Variants in DYNC1I1 observed in about 807,000 individuals in gnomAD.
The protein encoded by DYNC1I1 is cytoplasmic dynein 1 intermediate chain 1.
A neutral mutation model predicts 86.6 loss-of-function variants in DYNC1I1; 43 were observed. The ratio of observed to expected loss-of-function variants is 0.50; its 90% CI spans 0.39 to 0.64. The LOEUF (loss-of-function observed/expected upper bound fraction) is 0.64. Ranked by LOEUF, DYNC1I1 falls within the 30% of genes least tolerant of loss-of-function variation. DYNC1I1 has a pLI of 0.00. For synonymous variants in DYNC1I1, 262 were observed against 283.7 expected (o/e 0.92, Z 0.77); for missense variants, 604 against 788.8 (o/e 0.77, Z 2.81).
chr7:96,049,531 A>T (rs1218875388), intron 14 of DYNC1I1, among the ~76,000 whole-genome samples: 1 of 152,110 alleles, frequency 6.6e-6, no homozygotes, highest in Non-Finnish European at 1.5e-5. Flanking sequence ...GGTAACTTGG[A>T]GTCATCTTAT....
chr7:96,039,159 G>A, intron 13 of DYNC1I1, 118 bp from the exon 14 acceptor site: 1 of 1,113,962 alleles, frequency 9.0e-7, no homozygotes, highest in South Asian at 1.7e-5. Context: ...TTGGTGGTGT[G>A]TGGTTGTTCT....
intron 4 of DYNC1I1, among the ~76,000 whole-genome samples, chr7:95,826,950 C>T (rs1795215067): frequency 6.6e-6 from 1 of 152,090 alleles, no homozygotes; most frequent in African/African-American, 2.4e-5. Context: ...TATTTATAGA[C>T]AAGGAAACCG....
At chr7:95,818,776 C>A in intron 4 of DYNC1I1, 1 of 376,888 alleles carries the variant, frequency 2.7e-6, no homozygotes. Flanking sequence ...CACCTTAGTG[C>A]TTATTCTTTT....
chr7:95,996,405 G>A (rs1005848698), intron 10 of DYNC1I1, among the ~76,000 whole-genome samples: 4 of 152,170 alleles, frequency 2.6e-5, no homozygotes, highest in East Asian at 3.9e-4. Context: ...GCCCACCCAC[G>A]TGGACATCCT....
In DYNC1I1 at chr7:95,997,293, TCA is replaced by T. The variant is rs957501962; in HGVS notation, c.969+1221_969+1222del. Among the ~76,000 whole-genome samples the T allele has an allele frequency of 6.7e-4, 102 of 152,210 alleles. 1 individual carries two copies. Among genetic ancestry groups the T allele is most frequent in the African/African-American group, 2.3e-3 (95 of 41,528 alleles). ...TAGAAGCACAAAATCCTAATTTTGTTCAGTTTTACAAGGTTTGCCGAATTCCC... is the reference window on the plus strand; with the variant it reads ...TAGAAGCACAAAATCCTAATTTTGTTGTTTTACAAGGTTTGCCGAATTCCC... On this transcript the variant is annotated intron_variant, in intron 10 of 16. Transcript: ENST00000447467.
chr7:96,072,117 A>G (rs929046932), intron 14 of DYNC1I1, among the ~76,000 whole-genome samples: 8 of 152,244 alleles, frequency 5.3e-5, no homozygotes, highest in Non-Finnish European at 1.0e-4. Context: ...GACAATGTAC[A>G]TATAGAGTCA....
chr7:95,892,860 A>G (rs1021211910), intron 6 of DYNC1I1, among the ~76,000 whole-genome samples: 2 of 151,798 alleles, frequency 1.3e-5, no homozygotes, highest in Non-Finnish European at 2.9e-5. Flanking sequence ...ATACCATTTC[A>G]TGAGTGAGTC....
chr7:96,026,435 G>A (rs182137594), intron 10 of DYNC1I1, among the ~76,000 whole-genome samples: 1 of 151,504 alleles, frequency 6.6e-6, no homozygotes, highest in Non-Finnish European at 1.5e-5. Context: ...TTTTTTTGGG[G>A]TTTTTTTGTT....
intron 10 of DYNC1I1, among the ~76,000 whole-genome samples, chr7:96,000,226 A>C (rs1793976726): frequency 6.6e-6 from 1 of 152,202 alleles, no homozygotes; most frequent in African/African-American, 2.4e-5. Context: ...AAATGAAAGC[A>C]CATAGTAGGT....
chr7:96,018,188 G>A (rs1794447406), intron 10 of DYNC1I1, among the ~76,000 whole-genome samples: 1 of 152,174 alleles, frequency 6.6e-6, no homozygotes, highest in Non-Finnish European at 1.5e-5. Flanking sequence ...ATGAGGCTTA[G>A]CCTGTGGCTA....
chr7:95,867,091 C>T (rs1350553413), intron 5 of DYNC1I1, among the ~76,000 whole-genome samples: 2 of 152,228 alleles, frequency 1.3e-5, no homozygotes, highest in African/African-American at 4.8e-5. Context: ...CAAGCAGCCA[C>T]ATCCTATCCA....
chr7:95,947,204 G>T (rs1016352181), intron 6 of DYNC1I1, among the ~76,000 whole-genome samples: 1 of 152,168 alleles, frequency 6.6e-6, no homozygotes, highest in South Asian at 2.1e-4. Flanking sequence ...AATACCTAGC[G>T]CAGTGAGTGT....
rs151313354 is a variant in DYNC1I1 at position 95,913,565 on chromosome 7, C to T, written c.490+43567C>T. 2.5e-4 allele frequency among the ~76,000 whole-genome samples: 38 copies of T among 152,340 alleles called. No individual in the cohort carries two copies. In the East Asian group the frequency reaches 6.9e-3, roughly 28 times the overall value. The stretch of plus-strand genomic sequence containing the variant: ...GTATGCACTCTCTTGCCTGCTGCCA[C>T]ATAAGACATGCCTTTGCTCTTCCTT... On this transcript the variant is annotated intron_variant, in intron 6 of 16. Coordinates refer to ENST00000447467, the MANE Select transcript of DYNC1I1 (RefSeq NM_001135556.2).
chr7:95,798,642 C>T (rs1794503518), intron 1 of DYNC1I1, among the ~76,000 whole-genome samples: 1 of 152,132 alleles, frequency 6.6e-6, no homozygotes, highest in Non-Finnish European at 1.5e-5. Context: ...TGACTTTAAG[C>T]TTAAAAATAC....
At chr7:95,871,483 A>C (rs1040848882) in intron 6 of DYNC1I1, among the ~76,000 whole-genome samples, 7 of 152,250 alleles carry the variant, frequency 4.6e-5, no homozygotes, top group Non-Finnish European at 1.5e-5. Flanking sequence ...CCCAACCAAA[A>C]CATTTGTTTG....
chr7:95,880,640 CTTTTTTTTTTTTT>C (rs142182653), intron 6 of DYNC1I1, among the ~76,000 whole-genome samples: 17 of 92,552 alleles, frequency 1.8e-4, no homozygotes, highest in African/African-American at 5.9e-4. Context: ...CATCTTCTTA[CTTTTTTTTTTTTT>C]TTTTTTTTTT....
intron 14 of DYNC1I1, among the ~76,000 whole-genome samples, chr7:96,074,958 C>T (rs887080079): frequency 1.3e-5 from 2 of 152,190 alleles, no homozygotes; most frequent in African/African-American, 4.8e-5. Flanking sequence ...GGGAAAAAAA[C>T]TCCCATTGTT....
chr7:96,078,465 C>T (rs144631919), intron 15 of DYNC1I1, among the ~76,000 whole-genome samples: 182 of 152,038 alleles, frequency 1.2e-3, no homozygotes, highest in East Asian at 3.5e-3. Context: ...AATTTTCTAG[C>T]GCATAATATA....
At chr7:95,917,346 A>T (rs987240588) in intron 6 of DYNC1I1, among the ~76,000 whole-genome samples, 2 of 152,162 alleles carry the variant, frequency 1.3e-5, no homozygotes, top group Non-Finnish European at 2.9e-5. Context: ...AAGACCTTTT[A>T]TATCCCTTCC....
Sources: gnomAD v4.1 joint callset for allele counts (sites outside exome capture counted in the v4.1 genomes callset) on GRCh38, gnomAD v4.1.1 for gene constraint, MANE v1.5 for transcripts, NCBI Gene and HGNC (gene_info 2026-07-23, HGNC 2026-07-21) for gene names.